OCM: variants seen among roughly 807,000 people sequenced by gnomAD.
OCM encodes oncomodulin, also known as oncomodulin-1.
Under a neutral mutation model 14.1 loss-of-function variants are expected in OCM, and 18 were observed. The ratio of observed to expected loss-of-function variants is 1.28; its 90% CI spans 0.88 to 1.89. The LOEUF is 1.89. Ranked by LOEUF, OCM falls within the 40% of genes most tolerant of loss-of-function variation. OCM has a pLI of 0.00. For synonymous variants in OCM, 48 were observed against 51.0 expected (o/e 0.94, Z 0.25); for missense variants, 140 against 137.6 (o/e 1.02, Z -0.09).
intron 2 of OCM, among the ~76,000 whole-genome samples, chr7:5,883,029 G>A (rs1048868906): frequency 2.1e-4 from 32 of 151,900 alleles, no homozygotes; most frequent in Admixed American, 1.8e-3. Flanking sequence ...TTAGAGTAGA[G>A]ATGGGGCTTC....
chr7:5,885,830 C>T (rs573640883), intron 3 of OCM, among the ~76,000 whole-genome samples: 64 of 152,166 alleles, frequency 4.2e-4, no homozygotes, highest in African/African-American at 1.4e-3. Flanking sequence ...AGGATGGTTT[C>T]GATCTCATGA....
the OCM span, among the ~76,000 whole-genome samples, chr7:5,868,179 A>G: frequency 1.3e-5 from 2 of 151,898 alleles, no homozygotes; most frequent in East Asian, 1.9e-4. Context: ...TTTTGGAGAC[A>G]GGGCCTACCA....
upstream of OCM, chr7:5,880,108 G>T (rs2128606384): frequency 6.6e-6 from 1 of 152,282 alleles, no homozygotes; most frequent in Admixed American, 6.5e-5. Flanking sequence ...TCATCCATCT[G>T]CTTCCCACCT....
At chr7:5,861,642 C>T in the OCM span, among the ~76,000 whole-genome samples, 1 of 152,220 alleles carries the variant, frequency 6.6e-6, no homozygotes, top group African/African-American at 2.4e-5. Flanking sequence ...GGTTCCAGTT[C>T]CTCTCTCACC....
Position 5,882,624 on chromosome 7 carries a change from A to C in OCM, c.193A>C (p.Lys65Gln), listed in dbSNP as rs751538438. 8.7e-6 allele frequency: 14 copies of C among 1,613,940 alleles called. No homozygotes were observed. In the East Asian group the frequency reaches 1.6e-4, roughly 18 times the overall value. The change falls in exon 2 of 4, where the codon AAG (lysine) becomes CAG (glutamine). Residue 65 changes from lysine to glutamine, a missense_variant and splice_region_variant. Physicochemically the swap from Lys to Gln is moderately conservative, Grantham distance 53 (BLOSUM62 1). Coordinates refer to ENST00000242104, the MANE Select transcript of OCM (RefSeq NM_001097622.2). ...QSGYLDEEEL[K>Q]FFLQKFESGA... ...CGGGTACCTGGATGAAGAAGAGCTT[A>C]AGTAAGCTTTGTCCTGAGTCTGTCT... is the stretch of plus-strand genomic sequence containing the variant.
At chr7:5,874,261 T>G in the OCM span, among the ~76,000 whole-genome samples, 1 of 148,436 alleles carries the variant, frequency 6.7e-6, no homozygotes, top group Non-Finnish European at 1.5e-5. Flanking sequence ...AAAGATCTAT[T>G]TCCACATCTT....
upstream of OCM, among the ~76,000 whole-genome samples, chr7:5,878,367 G>A (rs73347266): frequency 0.17 from 25,670 of 151,974 alleles, 2,511 homozygotes; most frequent in Middle Eastern, 0.33. Context: ...CAGAGTTTCC[G>A]TTTTTCCAGC....
chr7:5,872,403 G>A, the OCM span, among the ~76,000 whole-genome samples: 2 of 152,094 alleles, frequency 1.3e-5, no homozygotes, highest in Non-Finnish European at 2.9e-5. Flanking sequence ...ACCAATTATT[G>A]CTCAGTCTGT....
upstream of OCM, among the ~76,000 whole-genome samples, chr7:5,875,025 AATCTAT>A (rs925991252): frequency 1.1e-4 from 16 of 150,626 alleles, no homozygotes; most frequent in South Asian, 4.2e-4. Flanking sequence ...TCTCTGTGTG[AATCTAT>A]ATCTATATCT....
chr7:5,872,521 G>C, the OCM span, among the ~76,000 whole-genome samples: 1 of 152,156 alleles, frequency 6.6e-6, no homozygotes, highest in Admixed American at 6.5e-5. Context: ...GAGACAGCTG[G>C]ATGCAGAAAC....
At chr7:5,865,886 C>G in the OCM span, among the ~76,000 whole-genome samples, 1 of 152,120 alleles carries the variant, frequency 6.6e-6, no homozygotes, top group South Asian at 2.1e-4. Flanking sequence ...ATATACACAT[C>G]TAGATGTAGG....
the OCM span, among the ~76,000 whole-genome samples, chr7:5,866,876 G>A: frequency 9.9e-3 from 1,500 of 152,202 alleles, 30 homozygotes; most frequent in African/African-American, 0.033. Flanking sequence ...AATTGTGTAA[G>A]GTCCAGTCCC....
upstream of OCM, chr7:5,880,774 AT>A (rs200310331): frequency 0.022 from 18,366 of 853,366 alleles, 78 homozygotes; most frequent in Non-Finnish European, 0.023. Context: ...AAAAAAAAAA[AT>A]AATCTAGACA....
At chr7:5,862,230 A>G in the OCM span, among the ~76,000 whole-genome samples, 3 of 152,174 alleles carry the variant, frequency 2.0e-5, no homozygotes, top group Non-Finnish European at 1.5e-5. Context: ...CACTATGCCA[A>G]AGAGAAAGTC....
At chr7:5,878,180 G>A (rs1781133929), upstream of OCM, among the ~76,000 whole-genome samples, 1 of 151,126 alleles carries the variant, frequency 6.6e-6, no homozygotes, top group African/African-American at 2.4e-5. Flanking sequence ...GGTCAGGCTG[G>A]TCTCGAACTC....
At chr7:5,869,637 C>G in the OCM span, among the ~76,000 whole-genome samples, 2 of 152,020 alleles carry the variant, frequency 1.3e-5, no homozygotes, top group African/African-American at 2.4e-5. Context: ...TCCTGCAGCA[C>G]TGTATCCTCC....
At chr7:5,877,722 A>C (rs1234019792), upstream of OCM, among the ~76,000 whole-genome samples, 1 of 141,148 alleles carries the variant, frequency 7.1e-6, no homozygotes, top group Non-Finnish European at 1.5e-5. Context: ...TGGGAGGCTG[A>C]GGCAGGAGAA....
At position 5,881,037 on chromosome 7, in the gene OCM, G is replaced by A. The variant is rs1463342907; in HGVS notation, c.61+87G>A. On this transcript the variant is annotated intron_variant, in intron 1 of 3. Transcript: ENST00000242104. ...CACAAAATCAAAATGTAGGCCAGGC[G>A]GCCAGACGCAGTGGCTCACACCTGT... is the stretch of plus-strand genomic sequence containing the variant. The A allele has an allele frequency of 2.5e-5, 35 of 1,396,720 alleles. No homozygotes were observed. The East Asian group carries it at 3.0e-4, about 12-fold the overall frequency. 86.5% of individuals were successfully genotyped at this position (1,396,720 alleles called of 1,614,324 possible). A position where few individuals can be genotyped will look rare whatever the true frequency, so the allele number is the denominator to read the frequency against.
At chr7:5,878,311 C>A (rs1056153993), upstream of OCM, among the ~76,000 whole-genome samples, 1 of 151,860 alleles carries the variant, frequency 6.6e-6, no homozygotes, top group Non-Finnish European at 1.5e-5. Flanking sequence ...TTACCAGGAG[C>A]TGGACTAGGT....
Sources: gnomAD v4.1 joint callset for allele counts (sites outside exome capture counted in the v4.1 genomes callset) on GRCh38, gnomAD v4.1.1 for gene constraint, MANE v1.5 for transcripts, NCBI Gene and HGNC (gene_info 2026-07-23, HGNC 2026-07-21) for gene names.